Variants in IGSF3 observed in about 807,000 individuals in gnomAD.
IGSF3 encodes glu-Trp-Ile EWI motif-containing protein 3.
Under a neutral mutation model 114.4 loss-of-function variants are expected in IGSF3, and 23 were observed. The ratio of observed to expected loss-of-function variants is 0.20; its 90% CI spans 0.14 to 0.28. The LOEUF (loss-of-function observed/expected upper bound fraction) is 0.28. Ranked by LOEUF, IGSF3 falls within the 10% of genes least tolerant of loss-of-function variation. IGSF3 has a pLI of 1.00. For synonymous variants in IGSF3, 571 were observed against 645.2 expected (o/e 0.88, Z 1.74); for missense variants, 1,172 against 1,591.5 (o/e 0.74, Z 4.48).
Position 116,612,451 on chromosome 1 carries a change from C to A in IGSF3, c.832+1314G>T, listed in dbSNP as rs549999201. Among the ~76,000 whole-genome samples the A allele has an allele frequency of 6.6e-6, 1 of 152,080 alleles. No individual in the cohort carries two copies. The highest frequency in any genetic ancestry group is 2.4e-5 in the African/African-American group (1 of 41,516). Reference sequence around the variant, plus strand: ...GCAGAAGAATCACCTGGGAAGCGTGCCGGAAATCCAGCTTCCCAGGTCCCA... The same window carrying A: ...GCAGAAGAATCACCTGGGAAGCGTGACGGAAATCCAGCTTCCCAGGTCCCA... On this transcript the variant is annotated intron_variant, in intron 4 of 10. Coordinates refer to ENST00000369486, the MANE Select transcript of IGSF3 (RefSeq NM_001007237.3). This position sits in a 1 kb window ranked among gnomAD's most constrained non-coding sequence, Gnocchi z 4.1.
At position 116,577,272 on chromosome 1, in the gene IGSF3, C is replaced by T. The variant is rs1659383996; in HGVS notation, c.*40G>A. 1 of 1,606,310 alleles carries T rather than the reference C, an allele frequency of 6.2e-7. No homozygotes were observed. The highest frequency in any genetic ancestry group is 1.3e-5 in the African/African-American group (1 of 74,812). On this transcript the variant is annotated 3_prime_UTR_variant, in exon 11 of 11. Transcript: ENST00000369486. The surrounding 1 kb of genome is among the most constrained non-coding windows in gnomAD (Gnocchi z 5.7). ...CCAATCACAGAGAAAGGGAGAGCCT[C>T]AGCTCCTCCGTGGCCAACATCCGCT...
chr1:116,639,685 A>C (rs1275383058), intron 2 of IGSF3, among the ~76,000 whole-genome samples: 1 of 152,236 alleles, frequency 6.6e-6, no homozygotes, highest in African/African-American at 2.4e-5. Flanking sequence ...TTCTAGCTAT[A>C]AGTGTCTGGA....
rs1399026014 is a variant in IGSF3 at position 116,603,470 on chromosome 1, A to G, written c.1624+154T>C. 2.0e-5 allele frequency among the ~76,000 whole-genome samples: 3 copies of G among 152,226 alleles called. No individual in the cohort carries two copies. The highest frequency in any genetic ancestry group is 7.2e-5 in the African/African-American group (3 of 41,452). On this transcript the variant is annotated intron_variant, in intron 6 of 10. Coordinates refer to ENST00000369486, the MANE Select transcript of IGSF3 (RefSeq NM_001007237.3). The surrounding 1 kb of genome is among the most constrained non-coding windows in gnomAD (Gnocchi z 7.1). ...AATTAATTAAACCCTTATAAGAAAT[A>G]AAATAGACATAAAGGAAAGTACTTC...
intron 2 of IGSF3, among the ~76,000 whole-genome samples, chr1:116,641,884 T>C (rs1271529766): frequency 6.6e-6 from 1 of 151,928 alleles, no homozygotes; most frequent in Non-Finnish European, 1.5e-5. Context: ...GGTCTGATTC[T>C]GTAGCCCAGG....
chr1:116,577,292 T>C lies in IGSF3; in HGVS notation c.*20A>G, dbSNP rs1659385665. The C allele has an allele frequency of 6.2e-7, 1 of 1,610,536 alleles. No individual in the cohort carries two copies. The highest frequency in any genetic ancestry group is 1.7e-5 in the Admixed American group (1 of 59,930). The stretch of plus-strand genomic sequence containing the variant: ...AGCCTCAGCTCCTCCGTGGCCAACA[T>C]CCGCTGGGGCATCACCCGCTTAGTC... On this transcript the variant is annotated 3_prime_UTR_variant, in exon 11 of 11. Coordinates refer to ENST00000369486, the MANE Select transcript of IGSF3 (RefSeq NM_001007237.3). This position sits in a 1 kb window ranked among gnomAD's most constrained non-coding sequence, Gnocchi z 5.7.
At position 116,596,149 on chromosome 1, in the gene IGSF3, G is replaced by A. The variant is rs1393490401; in HGVS notation, c.2029+3792C>T. Among the ~76,000 whole-genome samples the A allele has an allele frequency of 6.6e-6, 1 of 152,224 alleles. No individual in the cohort carries two copies. Among genetic ancestry groups the A allele is most frequent in the Non-Finnish European group, 1.5e-5 (1 of 68,042 alleles). On this transcript the variant is annotated intron_variant, in intron 7 of 10. Transcript: ENST00000369486. This position sits in a 1 kb window ranked among gnomAD's most constrained non-coding sequence, Gnocchi z 4.1. Reference sequence around the variant, plus strand: ...ATCAGCAGGTGGCTCCAGCAGGGACGAGTCTGGGGCACAGACCACAAAGAA... The same window carrying A: ...ATCAGCAGGTGGCTCCAGCAGGGACAAGTCTGGGGCACAGACCACAAAGAA...
chr1:116,609,872 T>A (rs1039732398), intron 4 of IGSF3, among the ~76,000 whole-genome samples: 26 of 152,238 alleles, frequency 1.7e-4, no homozygotes, highest in Admixed American at 9.8e-4. Context: ...CAGCTCAGCT[T>A]TACCCCTCCC....
At chr1:116,619,244 T>C (rs1661332995) in intron 2 of IGSF3, among the ~76,000 whole-genome samples, 1 of 152,204 alleles carries the variant, frequency 6.6e-6, no homozygotes, top group Non-Finnish European at 1.5e-5. Flanking sequence ...ACCCATCAGA[T>C]ACTAGCATTT....
At chr1:116,591,612 T>G (rs1002625711) in intron 7 of IGSF3, among the ~76,000 whole-genome samples, 7 of 152,190 alleles carry the variant, frequency 4.6e-5, no homozygotes, top group African/African-American at 1.7e-4. Flanking sequence ...AGAGAGGCAT[T>G]TTTTAAATTT....
rs963010993 is a variant in IGSF3 at position 116,598,772 on chromosome 1, G to A, written c.2029+1169C>T. Among the ~76,000 whole-genome samples the A allele has an allele frequency of 6.6e-6, 1 of 152,212 alleles. No individual in the cohort carries two copies. Among genetic ancestry groups the A allele is most frequent in the Non-Finnish European group, 1.5e-5 (1 of 68,034 alleles). ...GGGCTGGGCGAGGGAAGGAACACGGGAGCCTACTGCCTGGGCTCCACCCTC... is the reference window on the plus strand; with the variant it reads ...GGGCTGGGCGAGGGAAGGAACACGGAAGCCTACTGCCTGGGCTCCACCCTC... On this transcript the variant is annotated intron_variant, in intron 7 of 10. Coordinates refer to ENST00000369486, the MANE Select transcript of IGSF3 (RefSeq NM_001007237.3). This position sits in a 1 kb window ranked among gnomAD's most constrained non-coding sequence, Gnocchi z 4.3.
Position 116,588,237 on chromosome 1 carries a change from A to C in IGSF3, c.2440+457T>G, listed in dbSNP as rs567434271. Among the ~76,000 whole-genome samples, 226 of 152,218 alleles carry C rather than the reference A, an allele frequency of 1.5e-3. No homozygotes were observed. The highest frequency in any genetic ancestry group is 2.5e-3 in the Non-Finnish European group (173 of 68,010). On this transcript the variant is annotated intron_variant, in intron 8 of 10. Coordinates refer to ENST00000369486, the MANE Select transcript of IGSF3 (RefSeq NM_001007237.3). This position sits in a 1 kb window ranked among gnomAD's most constrained non-coding sequence, Gnocchi z 4.9. ...GGAATGATTCAGTTTGGAGATAGGA[A>C]AGGCTTGTCTGGGCGGGCTGGGAGC...
At chr1:116,621,674 G>T (rs1021312088) in intron 2 of IGSF3, among the ~76,000 whole-genome samples, 2 of 151,958 alleles carry the variant, frequency 1.3e-5, no homozygotes, top group African/African-American at 4.8e-5. Flanking sequence ...GCAAAATTGT[G>T]TTACATACAC....
At position 116,655,978 on chromosome 1, in the gene IGSF3, T is replaced by C. The variant is rs1648828913; in HGVS notation, c.43+10306A>G. On this transcript the variant is annotated intron_variant, in intron 2 of 10. Transcript: ENST00000369486. The surrounding 1 kb of genome is among the most constrained non-coding windows in gnomAD (Gnocchi z 4.3). The stretch of plus-strand genomic sequence containing the variant: ...TACAGCAAAATTTATTGTTATATAG[T>C]TATTGAAGGAGGCTCACTACTCCCC... 6.6e-6 allele frequency among the ~76,000 whole-genome samples: 1 copy of C among 152,216 alleles called. No individual in the cohort carries two copies. Among genetic ancestry groups the C allele is most frequent in the Admixed American group, 6.5e-5 (1 of 15,284 alleles).
In IGSF3 at chr1:116,624,165, C is replaced by T. The variant is rs1363280104; in HGVS notation, c.44-7708G>A. ...GCTGCCGTGAACAATGATTGTGCCA[C>T]TGCACTCCAGCCTGGGTGACAGAGC... is the stretch of plus-strand genomic sequence containing the variant. On this transcript the variant is annotated intron_variant, in intron 2 of 10. Coordinates refer to ENST00000369486, the MANE Select transcript of IGSF3 (RefSeq NM_001007237.3). The surrounding 1 kb of genome is among the most constrained non-coding windows in gnomAD (Gnocchi z 4.9). 4.0e-5 allele frequency among the ~76,000 whole-genome samples: 6 copies of T among 151,284 alleles called. No individual in the cohort carries two copies. Among genetic ancestry groups the T allele is most frequent in the Non-Finnish European group, 8.8e-5 (6 of 67,884 alleles).
rs545638428 is a variant in IGSF3, at chr1:116,589,281, T to A, written c.2030-177A>T. Among the ~76,000 whole-genome samples the A allele has an allele frequency of 6.6e-6, 1 of 151,214 alleles. No individual in the cohort carries two copies. Among genetic ancestry groups the A allele is most frequent in the East Asian group, 1.9e-4 (1 of 5,142 alleles). On this transcript the variant is annotated intron_variant, in intron 7 of 10. Transcript: ENST00000369486. The surrounding 1 kb of genome is among the most constrained non-coding windows in gnomAD (Gnocchi z 5.7). ...GGCCACCGCTAAACATCCTTCCCTG[T>A]CTCCTCCTTGCCATGCGCCTGGCTT...
rs1251225735 is a variant in IGSF3 at position 116,596,345 on chromosome 1, G to A, written c.2029+3596C>T. ...GGACATTTCTATGGAAGACACCAGA[G>A]CAGGGCTAAGAATCTATGTTTTGAG... On this transcript the variant is annotated intron_variant, in intron 7 of 10. Transcript: ENST00000369486. The surrounding 1 kb of genome is among the most constrained non-coding windows in gnomAD (Gnocchi z 4.1). Among the ~76,000 whole-genome samples, 1 of 152,200 alleles carries A rather than the reference G, an allele frequency of 6.6e-6. No individual in the cohort carries two copies. The highest frequency in any genetic ancestry group is 1.9e-4 in the East Asian group (1 of 5,198).
In IGSF3 at chr1:116,624,356, T is replaced by C. The variant is rs1661512599; in HGVS notation, c.44-7899A>G. On this transcript the variant is annotated intron_variant, in intron 2 of 10. Transcript: ENST00000369486. This position sits in a 1 kb window ranked among gnomAD's most constrained non-coding sequence, Gnocchi z 4.9. ...CAGCATGGGCAGTAGCTGTGAGATC[T>C]TGGGCTGGTTACTTAACCTCTCTGC... 1.3e-5 allele frequency among the ~76,000 whole-genome samples: 2 copies of C among 152,208 alleles called. No individual in the cohort carries two copies. Among genetic ancestry groups the C allele is most frequent in the Non-Finnish European group, 2.9e-5 (2 of 68,044 alleles).
At position 116,593,655 on chromosome 1, in the gene IGSF3, T is replaced by C. The variant is rs1660217144; in HGVS notation, c.2030-4551A>G. ...CATTCCCTATTTGGGCCCTCAATGATCTCTTTCTCAGGCTCTTGTAATTGG... is the reference window on the plus strand; with the variant it reads ...CATTCCCTATTTGGGCCCTCAATGACCTCTTTCTCAGGCTCTTGTAATTGG... On this transcript the variant is annotated intron_variant, in intron 7 of 10. Coordinates refer to ENST00000369486, the MANE Select transcript of IGSF3 (RefSeq NM_001007237.3). The surrounding 1 kb of genome is among the most constrained non-coding windows in gnomAD (Gnocchi z 4.5). 6.6e-6 allele frequency among the ~76,000 whole-genome samples: 1 copy of C among 152,036 alleles called. No individual in the cohort carries two copies. Among genetic ancestry groups the C allele is most frequent in the Non-Finnish European group, 1.5e-5 (1 of 68,030 alleles).
rs1163108314 is a variant in IGSF3, at chr1:116,628,060, T to A, written c.44-11603A>T. The stretch of plus-strand genomic sequence containing the variant: ...GCCATCCTCTTGGATGATAGCTGGA[T>A]AATCGCAATAAGCAGAGCCCCAATA... On this transcript the variant is annotated intron_variant, in intron 2 of 10. Coordinates refer to ENST00000369486, the MANE Select transcript of IGSF3 (RefSeq NM_001007237.3). The surrounding 1 kb of genome is among the most constrained non-coding windows in gnomAD (Gnocchi z 4.2). Among the ~76,000 whole-genome samples the A allele has an allele frequency of 2.0e-5, 3 of 152,154 alleles. No individual in the cohort carries two copies. Among genetic ancestry groups the A allele is most frequent in the Non-Finnish European group, 4.4e-5 (3 of 68,022 alleles).
Sources: gnomAD v4.1 joint callset for allele counts (sites outside exome capture counted in the v4.1 genomes callset) on GRCh38, gnomAD v4.1.1 for gene constraint, Gnocchi (gnomAD v3.1) non-coding constraint, MANE v1.5 for transcripts, NCBI Gene and HGNC (gene_info 2026-07-23, HGNC 2026-07-21) for gene names.